The following DGKI variants were observed in gnomAD, a reference collection of about 807,000 sequenced individuals.
DGKI encodes diacylglycerol kinase iota, also known as DAG kinase iota.
DGKI carries 55 observed loss-of-function variants against 147.5 expected under a neutral mutation model. The ratio of observed to expected loss-of-function variants is 0.37; its 90% confidence interval spans 0.30 to 0.47. The LOEUF is 0.47. Ranked by LOEUF, DGKI falls within the 20% of genes least tolerant of loss-of-function variation. The pLI is 1.00. For synonymous variants in DGKI, 469 were observed against 477.1 expected (o/e 0.98, Z 0.22); for missense variants, 1,007 against 1,323.8 (o/e 0.76, Z 3.71).
At chr7:137,727,741 T>C (rs191658700) in intron 1 of DGKI, among the ~76,000 whole-genome samples, 10 of 152,314 alleles carry the variant, frequency 6.6e-5, no homozygotes, top group Admixed American at 5.9e-4. Flanking sequence ...GCCTTAGGAA[T>C]AAAATAATTT....
intron 1 of DGKI, chr7:137,771,665 T>C (rs1158410703): frequency 1.3e-5 from 2 of 152,220 alleles, no homozygotes; most frequent in African/African-American, 2.4e-5. Flanking sequence ...CTTGATACAA[T>C]TGTTGGTACA....
chr7:137,558,975 G>GT (rs1230591131), intron 19 of DGKI, among the ~76,000 whole-genome samples: 1 of 138,814 alleles, frequency 7.2e-6, no homozygotes, highest in Non-Finnish European at 1.5e-5. Flanking sequence ...GATAAATTCA[G>GT]TTTCCTCATA....
chr7:137,691,798 G>GTT (rs796902464), intron 1 of DGKI, among the ~76,000 whole-genome samples: 23 of 95,814 alleles, frequency 2.4e-4, no homozygotes, highest in African/African-American at 5.1e-4. Flanking sequence ...AGACCTTTGG[G>GTT]TTTTTTTTTT....
At chr7:137,743,147 C>G (rs191668005) in intron 1 of DGKI, among the ~76,000 whole-genome samples, 1 of 152,246 alleles carries the variant, frequency 6.6e-6, no homozygotes, top group African/African-American at 2.4e-5. Context: ...ACTTTTAGAC[C>G]TAAGAAAAGA....
intron 20 of DGKI, among the ~76,000 whole-genome samples, chr7:137,542,265 A>T (rs1486472910): frequency 6.6e-6 from 1 of 152,172 alleles, no homozygotes. Context: ...CCATTCCTAC[A>T]TGTTTAACCT....
chr7:137,714,828 C>A (rs914622952), intron 1 of DGKI, among the ~76,000 whole-genome samples: 9 of 152,202 alleles, frequency 5.9e-5, no homozygotes, highest in African/African-American at 2.2e-4. Context: ...CTCACCACCT[C>A]CCTGTCGTCC....
rs568083649 is a variant in DGKI at position 137,399,439 on chromosome 7, C to T, written c.2921-2026G>A. 3.3e-5 allele frequency among the ~76,000 whole-genome samples: 5 copies of T among 152,264 alleles called. No individual in the cohort carries two copies. In the South Asian group the frequency reaches 1.0e-3, roughly 32 times the overall value. ...ATCCTCCCACACACATACAAAAGTGCAGAGCAGCACAGGACAGTGACCAGG... is the reference window on the plus strand; with the variant it reads ...ATCCTCCCACACACATACAAAAGTGTAGAGCAGCACAGGACAGTGACCAGG... On this transcript the variant is annotated intron_variant, in intron 30 of 32. Transcript: ENST00000614521.
intron 1 of DGKI, among the ~76,000 whole-genome samples, chr7:137,704,086 C>T (rs1490266099): frequency 6.6e-6 from 1 of 152,142 alleles, no homozygotes; most frequent in Non-Finnish European, 1.5e-5. Context: ...CAGCACATAC[C>T]TGCAGTTCCA....
In DGKI at chr7:137,444,091, GA is replaced by G. The variant is rs1813617365; in HGVS notation, c.2746del (p.Ser916LeufsTer11). ...SHSRVLQSPV[S>X]SEDHAILQAV... Reference sequence around the variant, plus strand: ...ATGATTCTTACCATGATCTTCTGAAGAGACTGGTGACCTAAAAGGAAATAAT... The same window carrying G: ...ATGATTCTTACCATGATCTTCTGAAGGACTGGTGACCTAAAAGGAAATAAT... On this transcript the variant is annotated frameshift_variant, in exon 28 of 33. Coordinates refer to ENST00000614521, the MANE Select transcript of DGKI (RefSeq NM_001321708.2). LOFTEE classifies it high-confidence loss of function. 1 of 1,536,848 alleles carries G rather than the reference GA, an allele frequency of 6.5e-7. No homozygotes were observed. The highest frequency in any genetic ancestry group is 2.0e-5 in the Admixed American group (1 of 49,134).
In DGKI at chr7:137,678,760, TA is replaced by T; in HGVS notation, c.511-109del. 3 of 941,980 alleles carry T rather than the reference TA, an allele frequency of 3.2e-6. No homozygotes were observed. The South Asian group carries it at 4.2e-5, about 13-fold the overall frequency. 58.4% of individuals were successfully genotyped at this position (941,980 alleles called of 1,614,324 possible). Reference sequence around the variant, plus strand: ...AGAAAGTTAGTGAAACCAAGGAGTCTAAACATTTCTCATTTGACCACTAAAA... The same window carrying T: ...AGAAAGTTAGTGAAACCAAGGAGTCTAACATTTCTCATTTGACCACTAAAA... On this transcript the variant is annotated intron_variant, in intron 2 of 32. Transcript: ENST00000614521.
chr7:137,694,648 C>T (rs1563154161), intron 1 of DGKI, among the ~76,000 whole-genome samples: 1 of 152,216 alleles, frequency 6.6e-6, no homozygotes, highest in Non-Finnish European at 1.5e-5. Flanking sequence ...AACCAGCTGT[C>T]TAAGAAGTTA....
chr7:137,777,173 C>CA (rs756468991), intron 1 of DGKI, among the ~76,000 whole-genome samples: 3 of 152,042 alleles, frequency 2.0e-5, no homozygotes, highest in Non-Finnish European at 4.4e-5. Flanking sequence ...GCCCAGGCGA[C>CA]AGAGTGAGAC....
chr7:137,522,279 T>C (rs574142075), intron 20 of DGKI, among the ~76,000 whole-genome samples: 1 of 152,202 alleles, frequency 6.6e-6, no homozygotes, highest in South Asian at 2.1e-4. Context: ...CATAATAAAT[T>C]AGATTCAGCA....
chr7:137,694,563 G>T (rs924180726), intron 1 of DGKI, among the ~76,000 whole-genome samples: 2 of 152,154 alleles, frequency 1.3e-5, no homozygotes, highest in African/African-American at 4.8e-5. Context: ...GAATCAGGAA[G>T]TCTCTTACCC....
At chr7:137,802,717 G>A (rs1797252545) in intron 1 of DGKI, among the ~76,000 whole-genome samples, 1 of 152,136 alleles carries the variant, frequency 6.6e-6, no homozygotes, top group Non-Finnish European at 1.5e-5. Flanking sequence ...TTATAGAAGT[G>A]GCTTCCTCTC....
chr7:137,725,825 A>G (rs948980735), intron 1 of DGKI, among the ~76,000 whole-genome samples: 4 of 152,118 alleles, frequency 2.6e-5, no homozygotes, highest in African/African-American at 7.2e-5. Flanking sequence ...TTTCTCTCCT[A>G]GCCTAACTCT....
chr7:137,814,763 GAAC>G (rs1337658416), intron 1 of DGKI, among the ~76,000 whole-genome samples: 2 of 152,116 alleles, frequency 1.3e-5, no homozygotes, highest in African/African-American at 4.8e-5. Flanking sequence ...CCCCGCTAGA[GAAC>G]AAGTATAGAA....
chr7:137,683,751 T>G (rs1823321391), intron 2 of DGKI, among the ~76,000 whole-genome samples: 1 of 152,246 alleles, frequency 6.6e-6, no homozygotes, highest in Non-Finnish European at 1.5e-5. Flanking sequence ...GCACTTCTTC[T>G]GTACTTGTGA....
At chr7:137,718,915 T>G (rs1365624902) in intron 1 of DGKI, among the ~76,000 whole-genome samples, 1 of 152,218 alleles carries the variant, frequency 6.6e-6, no homozygotes, top group African/African-American at 2.4e-5. Context: ...CTTTTCAGTA[T>G]GATGGACTTC....
Sources: gnomAD v4.1 joint callset for allele counts (sites outside exome capture counted in the v4.1 genomes callset) on GRCh38, gnomAD v4.1.1 for gene constraint, MANE v1.5 for transcripts, NCBI Gene and HGNC (gene_info 2026-07-23, HGNC 2026-07-21) for gene names.